Variants in NFATC2 observed in about 807,000 individuals in gnomAD.
NFATC2 encodes nuclear factor of activated T cells 2, also known as nuclear factor of activated T-cells, cytoplasmic 2.
A neutral mutation model predicts 87.3 loss-of-function variants in NFATC2; 22 were observed. The observed-to-expected ratio is 0.25, with a 90% CI of 0.18 to 0.36. The LOEUF (loss-of-function observed/expected upper bound fraction) is 0.36, where lower values mean the gene tolerates loss of function less well. NFATC2 is among the 10% of genes least tolerant of loss of function. The pLI is 1.00. For missense variants in NFATC2, 1,149 were observed against 1,259.1 expected (o/e 0.91, Z 1.32); for synonymous variants, 565 against 542.2 (o/e 1.04, Z -0.58).
At chr20:51,530,539 G>C (rs542985406) in intron 1 of NFATC2, among the ~76,000 whole-genome samples, 3 of 152,112 alleles carry the variant, frequency 2.0e-5, no homozygotes, top group South Asian at 4.2e-4. Flanking sequence ...CACATACAAC[G>C]TCCTCACTGG....
At chr20:51,420,255 T>G (rs1447466426) in intron 9 of NFATC2, among the ~76,000 whole-genome samples, 5 of 152,186 alleles carry the variant, frequency 3.3e-5, no homozygotes, top group Admixed American at 6.5e-5. Context: ...ATTTTATAAT[T>G]CATGCACCAC....
chr20:51,431,958 C>G (rs60723326), intron 9 of NFATC2, 109 bp downstream of exon 9: 2 of 1,188,866 alleles, frequency 1.7e-6, no homozygotes, highest in Non-Finnish European at 2.3e-6. Flanking sequence ...AATGGGGACA[C>G]TGAGGCCCAA....
intron 9 of NFATC2, among the ~76,000 whole-genome samples, chr20:51,421,607 C>T (rs1600698334): frequency 1.3e-5 from 2 of 152,338 alleles, no homozygotes; most frequent in African/African-American, 2.4e-5. Context: ...AGGAAGTAGC[C>T]TCTGCTCAGG....
intron 6 of NFATC2, among the ~76,000 whole-genome samples, chr20:51,442,368 G>A (rs1325799915): frequency 6.6e-6 from 1 of 152,188 alleles, no homozygotes; most frequent in Non-Finnish European, 1.5e-5. Flanking sequence ...GGAGGTAGAG[G>A]TTGCAGTAAG....
chr20:51,401,350 A>T (rs1988024485), intron 9 of NFATC2, among the ~76,000 whole-genome samples: 2 of 152,086 alleles, frequency 1.3e-5, no homozygotes, highest in African/African-American at 2.4e-5. Flanking sequence ...AAATAAAAAT[A>T]AATGAGATGC....
chr20:51,521,851 AACAT>A (rs1334603262), intron 2 of NFATC2, among the ~76,000 whole-genome samples: 4 of 152,248 alleles, frequency 2.6e-5, no homozygotes, highest in African/African-American at 9.6e-5. Context: ...CAAATGAAAT[AACAT>A]ACATAGAGAG....
intron 5 of NFATC2, 108 bp downstream of exon 5, chr20:51,473,872 A>G: frequency 1.7e-6 from 2 of 1,206,138 alleles, no homozygotes; most frequent in Non-Finnish European, 2.3e-6. Flanking sequence ...GGTCCCACAC[A>G]TTCCCGCAGG....
At chr20:51,479,648 T>C (rs1989060601) in intron 3 of NFATC2, among the ~76,000 whole-genome samples, 1 of 152,050 alleles carries the variant, frequency 6.6e-6, no homozygotes, top group African/African-American at 2.4e-5. Flanking sequence ...AAAACAGTAA[T>C]GCAGCAGTGA....
chr20:51,447,632 AC>A (rs949679934), intron 6 of NFATC2, among the ~76,000 whole-genome samples: 2 of 151,862 alleles, frequency 1.3e-5, no homozygotes, highest in African/African-American at 4.8e-5. Context: ...TTTTGCTGGG[AC>A]CCCCGACTCC....
intron 5 of NFATC2, among the ~76,000 whole-genome samples, chr20:51,467,109 A>G (rs1350068987): frequency 1.3e-5 from 2 of 151,820 alleles, no homozygotes; most frequent in Admixed American, 6.6e-5. Context: ...ACATTACCTG[A>G]AAATAAACAG....
chr20:51,518,410 A>G (rs1489890367), intron 2 of NFATC2, among the ~76,000 whole-genome samples: 1 of 152,200 alleles, frequency 6.6e-6, no homozygotes, highest in African/African-American at 2.4e-5. Flanking sequence ...CCCAGGGGGT[A>G]GCACCTCCAT....
intron 6 of NFATC2, among the ~76,000 whole-genome samples, chr20:51,445,497 G>A (rs1010737513): frequency 3.3e-5 from 5 of 152,038 alleles, no homozygotes; most frequent in Admixed American, 6.6e-5. Flanking sequence ...AGAAAACAAC[G>A]AATACCTTTT....
intron 1 of NFATC2, among the ~76,000 whole-genome samples, chr20:51,555,531 T>G (rs2076970947): frequency 6.6e-6 from 1 of 151,584 alleles, no homozygotes; most frequent in Admixed American, 6.6e-5. Context: ...AGGCAGAGCT[T>G]ACAGTAAGCT....
At chr20:51,427,691 T>C (rs975519702) in intron 9 of NFATC2, among the ~76,000 whole-genome samples, 3 of 152,124 alleles carry the variant, frequency 2.0e-5, no homozygotes, top group Non-Finnish European at 2.9e-5. Flanking sequence ...GCCACCTGCG[T>C]TCCCTCTCCC....
At chr20:51,396,993 G>A (rs546952573) in intron 10 of NFATC2, among the ~76,000 whole-genome samples, 5 of 148,298 alleles carry the variant, frequency 3.4e-5, no homozygotes, top group Admixed American at 1.3e-4. Context: ...GCTCATCTCC[G>A]CCTCCAGGTT....
intron 1 of NFATC2, among the ~76,000 whole-genome samples, chr20:51,526,193 A>G (rs1365097084): frequency 1.3e-5 from 2 of 152,066 alleles, no homozygotes; most frequent in Admixed American, 1.3e-4. Context: ...CGCACCAGGT[A>G]TCTGTTTAGG....
At chr20:51,507,920 C>T (rs528009145) in intron 3 of NFATC2, among the ~76,000 whole-genome samples, 1 of 152,344 alleles carries the variant, frequency 6.6e-6, no homozygotes, top group African/African-American at 2.4e-5. Context: ...CTAGGTCACT[C>T]TAAAGAAAGC....
rs749288118 is a variant in NFATC2 at position 51,454,669 on chromosome 20, C to T, written c.1728G>A (p.Glu576=). The change falls in exon 6 of 11, where the codon GAG becomes GAA. Residue 576 remains glutamate (E), a synonymous_variant. Coordinates refer to ENST00000371564, the MANE Select transcript of NFATC2 (RefSeq NM_012340.5). ...PIECSQRSAH[E]LPMVERQDTD... ...TGTCTTGTCTTTCAACCATGGGCAGCTCGTGAGCAGATCGCTGGGCTGCAG... is the reference window on the plus strand; with the variant it reads ...TGTCTTGTCTTTCAACCATGGGCAGTTCGTGAGCAGATCGCTGGGCTGCAG... 1.2e-6 allele frequency: 2 copies of T among 1,613,882 alleles called. No individual in the cohort carries two copies. Among genetic ancestry groups the T allele is most frequent in the Non-Finnish European group, 1.7e-6 (2 of 1,180,020 alleles).
intron 5 of NFATC2, among the ~76,000 whole-genome samples, chr20:51,472,206 G>C (rs1988274476): frequency 6.6e-6 from 1 of 152,196 alleles, no homozygotes; most frequent in African/African-American, 2.4e-5. Flanking sequence ...AGTGAGCCAA[G>C]ATCGCACCAC....
Sources: gnomAD v4.1 joint callset for allele counts (sites outside exome capture counted in the v4.1 genomes callset) on GRCh38, gnomAD v4.1.1 for gene constraint, MANE v1.5 for transcripts, NCBI Gene and HGNC (gene_info 2026-07-23, HGNC 2026-07-21) for gene names.